Variants in FHIT observed in about 807,000 individuals in gnomAD.
The protein encoded by FHIT is fragile histidine triad diadenosine triphosphatase, also known as bis(5'-adenosyl)-triphosphatase.
FHIT carries 19 observed loss-of-function variants against 17.9 expected under a neutral mutation model. The ratio of observed to expected loss-of-function variants is 1.06; its 90% confidence interval spans 0.74 to 1.56. The LOEUF is 1.56. Among genes scored for constraint, FHIT ranks in the 40% most tolerant of loss-of-function variants. The pLI, the probability that FHIT is intolerant of heterozygous loss-of-function variation, is 0.00. For missense variants in FHIT, 248 were observed against 189.2 expected (o/e 1.31, Z -1.82); for synonymous variants, 81 against 69.7 (o/e 1.16, Z -0.81).
Position 60,092,511 on chromosome 3 carries a change from A to C in FHIT, c.104-78359T>G, listed in dbSNP as rs137867948. Among the ~76,000 whole-genome samples, 671 of 152,322 alleles carry C rather than the reference A, an allele frequency of 4.4e-3. 4 individuals are homozygous for C. Among genetic ancestry groups the C allele is most frequent in the Non-Finnish European group, 5.6e-3 (378 of 68,036 alleles). Reference sequence around the variant, plus strand: ...TACATTAAGGTCTGGCTTTTAACTAAAAAGTATGTGAAACATGATAGCATT... The same window carrying C: ...TACATTAAGGTCTGGCTTTTAACTACAAAGTATGTGAAACATGATAGCATT... On this transcript the variant is annotated intron_variant, in intron 5 of 9. Coordinates refer to ENST00000492590, the MANE Select transcript of FHIT (RefSeq NM_002012.4).
intron 3 of FHIT, among the ~76,000 whole-genome samples, chr3:60,935,735 T>A (rs1575718550): frequency 6.6e-6 from 1 of 152,188 alleles, no homozygotes; most frequent in Admixed American, 6.5e-5. Flanking sequence ...ATTGGCTAGG[T>A]TGAATTTCCA....
intron 7 of FHIT, among the ~76,000 whole-genome samples, chr3:60,004,135 G>A (rs1223330383): frequency 1.3e-5 from 2 of 151,992 alleles, no homozygotes; most frequent in South Asian, 4.2e-4. Flanking sequence ...GAATAATAAC[G>A]CCTTACATTT....
In FHIT at chr3:60,069,784, A is replaced by C. The variant is rs536493623; in HGVS notation, c.104-55632T>G. On this transcript the variant is annotated intron_variant, in intron 5 of 9. Transcript: ENST00000492590. The stretch of plus-strand genomic sequence containing the variant: ...GAAGTTCCCTCAAACAGAATCCATA[A>C]AACAGTCATACTTTCCATCCTTAGA... Among the ~76,000 whole-genome samples, 26 of 152,276 alleles carry C rather than the reference A, an allele frequency of 1.7e-4. No individual in the cohort carries two copies. In the East Asian group the frequency reaches 4.6e-3, roughly 27 times the overall value.
intron 4 of FHIT, among the ~76,000 whole-genome samples, chr3:60,756,232 C>T (rs2042568750): frequency 1.3e-5 from 2 of 152,202 alleles, no homozygotes; most frequent in South Asian, 4.1e-4. Flanking sequence ...CAAACACATA[C>T]CCACACCTTT....
At chr3:60,367,266 T>G (rs963456940) in intron 5 of FHIT, among the ~76,000 whole-genome samples, 3 of 152,214 alleles carry the variant, frequency 2.0e-5, no homozygotes, top group Non-Finnish European at 2.9e-5. Flanking sequence ...ATGAATGGCT[T>G]CAATTATCCC....
At chr3:59,852,049 T>C (rs1701962115) in intron 8 of FHIT, among the ~76,000 whole-genome samples, 1 of 152,208 alleles carries the variant, frequency 6.6e-6, no homozygotes, top group Admixed American at 6.5e-5. Context: ...ATATTTTAAT[T>C]AAACTGTTAC....
chr3:61,051,428 T>C (rs977283572), intron 2 of FHIT, among the ~76,000 whole-genome samples: 3 of 152,120 alleles, frequency 2.0e-5, no homozygotes, highest in African/African-American at 7.2e-5. Context: ...TTTTGTATTT[T>C]TGGTACAGAC....
At chr3:60,665,343 T>C (rs1240308337) in intron 4 of FHIT, among the ~76,000 whole-genome samples, 1 of 152,052 alleles carries the variant, frequency 6.6e-6, no homozygotes, top group African/African-American at 2.4e-5. Context: ...ATTTTCTGTA[T>C]AGTAGTTCTA....
At chr3:61,066,416 C>A (rs1017566282) in intron 2 of FHIT, among the ~76,000 whole-genome samples, 2 of 152,146 alleles carry the variant, frequency 1.3e-5, no homozygotes, top group East Asian at 3.9e-4. Flanking sequence ...GAGTTTGAAA[C>A]CAGTCTGACC....
At chr3:60,744,211 T>C (rs1326952419) in intron 4 of FHIT, among the ~76,000 whole-genome samples, 4 of 138,964 alleles carry the variant, frequency 2.9e-5, no homozygotes, top group Non-Finnish European at 6.0e-5. Flanking sequence ...CTATGCAAAC[T>C]GTTTACTTCT....
chr3:60,091,611 T>C (rs1452374761), intron 5 of FHIT, among the ~76,000 whole-genome samples: 1 of 152,162 alleles, frequency 6.6e-6, no homozygotes, highest in Admixed American at 6.5e-5. Flanking sequence ...TAATCCTTAA[T>C]GTTGGAAGTG....
At chr3:60,642,147 T>C (rs1036005597) in intron 4 of FHIT, among the ~76,000 whole-genome samples, 9 of 151,778 alleles carry the variant, frequency 5.9e-5, no homozygotes, top group South Asian at 2.1e-4. Context: ...GTACCTCCCA[T>C]TGACCAAGCC....
chr3:59,921,473 T>TAC (rs1705400745), intron 8 of FHIT, among the ~76,000 whole-genome samples: 1 of 152,216 alleles, frequency 6.6e-6, no homozygotes, highest in Non-Finnish European at 1.5e-5. Context: ...ATATGATACC[T>TAC]ACCTCCTATC....
chr3:59,833,368 C>T lies in FHIT; in HGVS notation c.349-81047G>A, dbSNP rs145914209. Among the ~76,000 whole-genome samples the T allele has an allele frequency of 1.8e-3, 267 of 152,230 alleles. 1 individual carries two copies. The highest frequency in any genetic ancestry group is 6.0e-3 in the African/African-American group (250 of 41,542). ...ACAGCCACATGAAGTTTGAGATACA[C>T]ATAATGTCTTGTGACCATGAAGACA... On this transcript the variant is annotated intron_variant, in intron 8 of 9. Coordinates refer to ENST00000492590, the MANE Select transcript of FHIT (RefSeq NM_002012.4).
chr3:61,125,601 G>A (rs1418619307), intron 2 of FHIT, among the ~76,000 whole-genome samples: 2 of 152,054 alleles, frequency 1.3e-5, no homozygotes, highest in Non-Finnish European at 2.9e-5. Context: ...CTTAAAACTG[G>A]GTATTACATT....
At chr3:59,814,041 CACAT>C (rs1005426371) in intron 8 of FHIT, among the ~76,000 whole-genome samples, 24 of 108,388 alleles carry the variant, frequency 2.2e-4, no homozygotes, top group African/African-American at 7.7e-4. Flanking sequence ...AAAAAATTTA[CACAT>C]ACACACACAC....
intron 2 of FHIT, among the ~76,000 whole-genome samples, chr3:61,198,392 T>G (rs2038913563): frequency 6.6e-6 from 1 of 152,126 alleles, no homozygotes; most frequent in Admixed American, 6.5e-5. Context: ...TAGCCAAGCT[T>G]GTGGTCATAC....
chr3:59,804,567 T>A (rs999956001), intron 8 of FHIT, among the ~76,000 whole-genome samples: 3 of 152,206 alleles, frequency 2.0e-5, no homozygotes, highest in Non-Finnish European at 4.4e-5. Flanking sequence ...TACAGAATTT[T>A]TGGGGGTCTA....
At chr3:59,753,313 G>T (rs574200003) in intron 8 of FHIT, among the ~76,000 whole-genome samples, 1 of 152,300 alleles carries the variant, frequency 6.6e-6, no homozygotes, top group African/African-American at 2.4e-5. Flanking sequence ...TTAACAATTT[G>T]TCTCAAAATT....
Sources: allele counts gnomAD v4.1 joint callset (sites outside exome capture counted in the v4.1 genomes callset), GRCh38; gene constraint gnomAD v4.1.1; transcripts MANE v1.5; gene names NCBI Gene and HGNC (gene_info 2026-07-23, HGNC 2026-07-21).